The following LAMC1 variants were observed in gnomAD, a reference collection of about 807,000 sequenced individuals.
LAMC1 encodes laminin subunit gamma-1.
A neutral mutation model predicts 173.6 loss-of-function variants in LAMC1; 38 were observed. The ratio of observed to expected loss-of-function variants is 0.22; its 90% CI spans 0.17 to 0.29. LAMC1 has a LOEUF of 0.29. Among genes scored for constraint, LAMC1 ranks in the 10% least tolerant of loss-of-function variants. The probability of loss-of-function intolerance (pLI) is 1.00; values close to 1 mark genes in which losing one functional copy is unlikely to be tolerated. For missense variants in LAMC1, 1,824 were observed against 2,051.8 expected (o/e 0.89, Z 2.14); for synonymous variants, 746 against 749.1 (o/e 1.00, Z 0.07).
chr1:183,129,081 G>GC (rs1412347819), intron 18 of LAMC1, among the ~76,000 whole-genome samples: 2 of 122,562 alleles, frequency 1.6e-5, no homozygotes, highest in Non-Finnish European at 3.3e-5. Flanking sequence ...GTCTTCATAA[G>GC]CTTTTTTTTT....
In LAMC1 at chr1:183,038,723, A is replaced by T. The variant is rs539277177; in HGVS notation, c.418+14589A>T. On this transcript the variant is annotated intron_variant, in intron 1 of 27. Transcript: ENST00000258341. Reference sequence around the variant, plus strand: ...AATTAGAGGCAGGAATCTGCTGCCCACATGTTCTCAAAATCCTCGACCATT... The same window carrying T: ...AATTAGAGGCAGGAATCTGCTGCCCTCATGTTCTCAAAATCCTCGACCATT... Among the ~76,000 whole-genome samples, 24 of 152,282 alleles carry T rather than the reference A, an allele frequency of 1.6e-4. No homozygotes were observed. The East Asian group carries it at 4.4e-3, about 28-fold the overall frequency.
chr1:183,125,596 T>C (rs1260317970), intron 15 of LAMC1, 46 bp downstream of exon 15: 2 of 1,411,532 alleles, frequency 1.4e-6, no homozygotes, highest in African/African-American at 2.9e-5. Flanking sequence ...GCTTTTTCTG[T>C]TATAAAAAAT....
At chr1:183,053,287 A>C (rs565373004) in intron 1 of LAMC1, among the ~76,000 whole-genome samples, 113 of 152,338 alleles carry the variant, frequency 7.4e-4, no homozygotes, top group Non-Finnish European at 1.3e-3. Context: ...ATTGCCACCT[A>C]GTCAGTACAT....
In LAMC1 at chr1:183,114,588, C is replaced by T. The variant is rs1440748806; in HGVS notation, c.1079C>T (p.Ser360Phe). ...TACTTCGACCCTGAACTCTATCGTTCCACTGGCCATGGGGGCCACTGTACC... is the reference window on the plus strand; with the variant it reads ...TACTTCGACCCTGAACTCTATCGTTTCACTGGCCATGGGGGCCACTGTACC... ...ECYFDPELYR[S>F]TGHGGHCTNC... The change falls in exon 5 of 28, where the codon TCC becomes TTC. Residue 360 changes from serine to phenylalanine, a missense_variant. Coordinates refer to ENST00000258341, the MANE Select transcript of LAMC1 (RefSeq NM_002293.4). 6.2e-7 allele frequency: 1 copy of T among 1,614,214 alleles called. No individual in the cohort carries two copies. Among genetic ancestry groups the T allele is most frequent in the Non-Finnish European group, 8.5e-7 (1 of 1,180,042 alleles).
intron 24 of LAMC1, among the ~76,000 whole-genome samples, chr1:183,135,381 C>T (rs2102109698): frequency 6.6e-6 from 1 of 152,212 alleles, no homozygotes. Context: ...CTCACATAAC[C>T]AAGATGCCTA....
chr1:183,118,831 T>G (rs1204511244), intron 11 of LAMC1, among the ~76,000 whole-genome samples: 1 of 152,226 alleles, frequency 6.6e-6, no homozygotes, highest in East Asian at 1.9e-4. Flanking sequence ...AGCCATTGGT[T>G]AAATTATTAA....
At chr1:183,117,940 A>C in intron 10 of LAMC1, 94 bp from the exon 11 acceptor site, 7 of 808,736 alleles carry the variant, frequency 8.7e-6, no homozygotes, top group Non-Finnish European at 1.4e-5. Context: ...TTGTTAGAGC[A>C]TTGCATTGTT....
chr1:183,073,048 C>T (rs917447266), intron 1 of LAMC1, among the ~76,000 whole-genome samples: 1 of 152,154 alleles, frequency 6.6e-6, no homozygotes, highest in Non-Finnish European at 1.5e-5. Context: ...CTTGAATCAT[C>T]CTGAAACCGG....
intron 1 of LAMC1, among the ~76,000 whole-genome samples, chr1:183,035,122 C>T (rs1299590230): frequency 6.6e-6 from 1 of 152,142 alleles, no homozygotes; most frequent in Non-Finnish European, 1.5e-5. Context: ...GCTTTAGGAT[C>T]TCTGGATTTC....
rs780057435 is a variant in LAMC1 at position 183,133,544 on chromosome 1, A to G, written c.3843A>G (p.Thr1281=). ...AGCTGAGCCCTTTGGACTCTGAGACACTGGAGGTATGGGGGCAGCCTGTAC... is the reference window on the plus strand; with the variant it reads ...AGCTGAGCCCTTTGGACTCTGAGACGCTGGAGGTATGGGGGCAGCCTGTAC... ...VAQLSPLDSE[T]LENEANNIKM... is the part of the protein sequence containing the mutation. Residue 1281 remains threonine, a synonymous_variant, in exon 22 of 28, where the codon ACA becomes ACG. Coordinates refer to ENST00000258341, the MANE Select transcript of LAMC1 (RefSeq NM_002293.4). 10 of 1,610,832 alleles carry G rather than the reference A, an allele frequency of 6.2e-6. No individual in the cohort carries two copies. In the South Asian group the frequency reaches 7.7e-5, roughly 12 times the overall value.
chr1:183,142,714 A>G lies in LAMC1; in HGVS notation c.4754A>G (p.Asp1585Gly), dbSNP rs777603119. ...YNRDIEEIMK[D>G]IRNLEDIRKT... ...CGAGATATCGAGGAGATCATGAAGG[A>G]CATTCGCAATCTGGAGGACATCAGG... Residue 1585 changes from aspartate to glycine, a missense_variant, in exon 28 of 28, where the codon GAC becomes GGC. Transcript: ENST00000258341. The G allele has an allele frequency of 9.9e-6, 16 of 1,613,936 alleles. No homozygotes were observed. In the East Asian group the frequency reaches 3.6e-4, roughly 36 times the overall value.
chr1:183,118,310 C>T (rs2102086335), intron 11 of LAMC1, among the ~76,000 whole-genome samples, 164 bp downstream of exon 11: 1 of 152,144 alleles, frequency 6.6e-6, no homozygotes, highest in South Asian at 2.1e-4. Flanking sequence ...TTTTTAACGG[C>T]TTTCAAGGAC....
intron 15 of LAMC1, 115 bp downstream of exon 15, chr1:183,125,665 T>C: frequency 2.6e-6 from 2 of 767,984 alleles, no homozygotes; most frequent in East Asian, 2.8e-5. Context: ...GCGCCTAATG[T>C]AGGCAAGGCA....
rs1225819287 is a variant in LAMC1, at chr1:183,110,949, C to T, written c.1021+295C>T. On this transcript the variant is annotated intron_variant, in intron 4 of 27. Transcript: ENST00000258341. ...AATACTGGGCCAGTGTAGTCTACTC[C>T]GGAATATGGTTTCTCTAGTCGTATT... 3.3e-5 allele frequency among the ~76,000 whole-genome samples: 5 copies of T among 152,062 alleles called. No individual in the cohort carries two copies. The South Asian group carries it at 6.2e-4, about 19-fold the overall frequency.
At position 183,136,567 on chromosome 1, in the gene LAMC1, C is replaced by T. The variant is rs1358421918; in HGVS notation, c.4296C>T (p.Ile1432=). ...AKNKAHEAER[I]ASAVQKNATS... ...ACAAGGCCCATGAGGCGGAGAGGAT[C>T]GCGAGCGCTGTCCAAAAGGTGTGCG... is the stretch of plus-strand genomic sequence containing the variant. The change falls in exon 25 of 28, where the codon ATC becomes ATT. Residue 1432 remains isoleucine, a synonymous_variant. Coordinates refer to ENST00000258341, the MANE Select transcript of LAMC1 (RefSeq NM_002293.4). 10 of 1,609,004 alleles carry T rather than the reference C, an allele frequency of 6.2e-6. No homozygotes were observed. Among genetic ancestry groups the T allele is most frequent in the Non-Finnish European group, 8.5e-6 (10 of 1,177,326 alleles).
At chr1:183,128,860 C>A in intron 18 of LAMC1, 110 bp downstream of exon 18, 3 of 819,226 alleles carry the variant, frequency 3.7e-6, no homozygotes, top group Non-Finnish European at 3.5e-6. Flanking sequence ...AGTTTTTAAA[C>A]TACTCATAGA....
intron 1 of LAMC1, among the ~76,000 whole-genome samples, chr1:183,053,205 G>A (rs75189302): frequency 1.2e-3 from 190 of 152,236 alleles, no homozygotes; most frequent in African/African-American, 4.3e-3. Context: ...CTTGGTTTCC[G>A]TGTCCATATT....
chr1:183,086,072 A>T lies in LAMC1; in HGVS notation c.419-17256A>T, dbSNP rs1360739680. Among the ~76,000 whole-genome samples, 4 of 152,332 alleles carry T rather than the reference A, an allele frequency of 2.6e-5. No individual in the cohort carries two copies. In the East Asian group the frequency reaches 7.7e-4, roughly 29 times the overall value. On this transcript the variant is annotated intron_variant, in intron 1 of 27. Transcript: ENST00000258341. ...AACAGGAATGCCTATATCCATAAATAAATAAATATATGTATATACAGGCCT... is the reference window on the plus strand; with the variant it reads ...AACAGGAATGCCTATATCCATAAATTAATAAATATATGTATATACAGGCCT...
intron 1 of LAMC1, among the ~76,000 whole-genome samples, chr1:183,061,929 C>T (rs1280016491): frequency 3.3e-5 from 5 of 152,312 alleles, no homozygotes; most frequent in South Asian, 2.1e-4. Flanking sequence ...TCTCACTGTA[C>T]GTCATTGGGA....
Sources: allele counts gnomAD v4.1 joint callset (sites outside exome capture counted in the v4.1 genomes callset), GRCh38; gene constraint gnomAD v4.1.1; transcripts MANE v1.5; gene names NCBI Gene and HGNC (gene_info 2026-07-23, HGNC 2026-07-21).